The following KCTD1 variants were observed in gnomAD, a reference collection of about 807,000 sequenced individuals.
KCTD1 encodes the protein BTB/POZ domain-containing protein KCTD1.
A neutral mutation model predicts 66.0 loss-of-function variants in KCTD1; 24 were observed. The ratio of observed to expected loss-of-function variants is 0.36; its 90% confidence interval spans 0.26 to 0.51. The LOEUF (loss-of-function observed/expected upper bound fraction) is 0.51, where lower values mean the gene tolerates loss of function less well. Among genes scored for constraint, KCTD1 ranks in the 20% least tolerant of loss-of-function variants. KCTD1 has a pLI of 0.95. For missense variants in KCTD1, 943 were observed against 1,205.2 expected, an observed-to-expected ratio of 0.78 and a Z score of 3.22; for synonymous variants, 511 against 517.2, an observed-to-expected ratio of 0.99 and a Z score of 0.16.
intron 1 of KCTD1, among the ~76,000 whole-genome samples, chr18:26,609,941 G>A (rs946287894): frequency 1.3e-5 from 2 of 152,172 alleles, no homozygotes; most frequent in Admixed American, 6.5e-5. Flanking sequence ...TCTGCAAAAT[G>A]GGGATATTTG....
Position 26,468,766 on chromosome 18 carries a change from G to C in KCTD1, c.2133+7749C>G, listed in dbSNP as rs57942561. On this transcript the variant is annotated intron_variant, in intron 3 of 4. Coordinates refer to ENST00000580059, the MANE Select transcript of KCTD1 (RefSeq NM_001142730.3). This position sits in a 1 kb window ranked among gnomAD's most constrained non-coding sequence, Gnocchi z 4.8. ...GGAGGCTGAGGAAAGAGAACTGCTT[G>C]AACCCGGGAGGCGGAGGTTGCAGTG... Among the ~76,000 whole-genome samples, 19,259 of 152,158 alleles carry C rather than the reference G, an allele frequency of 0.13. 1,586 individuals carry two copies. Among genetic ancestry groups the C allele is most frequent in the Admixed American group, 0.25 (3,790 of 15,276 alleles).
chr18:26,571,145 TTCTC>T (rs34913706), intron 1 of KCTD1, among the ~76,000 whole-genome samples: 49,504 of 151,884 alleles, frequency 0.33, 9,170 homozygotes, highest in East Asian at 0.59. Context: ...AAAAAAGTCT[TTCTC>T]TCACTAATTA....
chr18:26,459,794 C>T lies in KCTD1; in HGVS notation c.2265G>A (p.Val755=), dbSNP rs1348448430. ...SRPCECLVVR[V]APDLGERITL... ...TGATCCTTTCTCCGAGGTCTGGGGC[C>T]ACACGCACGACGAGGCACTCACAGG... Residue 755 remains valine, a synonymous_variant, in exon 4 of 5, where the codon GTG becomes GTA. Transcript: ENST00000580059. 1 of 1,614,066 alleles carries T rather than the reference C, an allele frequency of 6.2e-7. No individual in the cohort carries two copies. The highest frequency in any genetic ancestry group is 8.5e-7 in the Non-Finnish European group (1 of 1,180,048).
chr18:26,646,202 T>G (rs766605162), intron 1 of KCTD1, among the ~76,000 whole-genome samples: 9 of 152,258 alleles, frequency 5.9e-5, no homozygotes, highest in Non-Finnish European at 1.3e-4. Flanking sequence ...GGATTTTTCA[T>G]GCTGTTACGT....
Position 26,623,167 on chromosome 18 carries a change from G to A in KCTD1, c.-16+5980C>T, listed in dbSNP as rs142792051. On this transcript the variant is annotated intron_variant, in intron 1 of 4. Coordinates refer to the KCTD1 transcript ENST00000317932. ...TGACTATCCCTCCTACCCACTACCC[G>A]CCCTTAACATTTCTTCTCACTAAGT... Among the ~76,000 whole-genome samples, 193 of 152,024 alleles carry A rather than the reference G, an allele frequency of 1.3e-3. 1 individual carries two copies. The highest frequency in any genetic ancestry group is 4.5e-3 in the African/African-American group (187 of 41,426).
chr18:26,495,399 G>A (rs938104176), intron 2 of KCTD1, among the ~76,000 whole-genome samples: 3 of 152,090 alleles, frequency 2.0e-5, no homozygotes, highest in Admixed American at 6.5e-5. Flanking sequence ...TAAGCAATCC[G>A]GTAATGGCTA....
At chr18:26,657,018 G>C (rs1483537764) in intron 1 of KCTD1, among the ~76,000 whole-genome samples, 2 of 150,408 alleles carry the variant, frequency 1.3e-5, no homozygotes, top group Non-Finnish European at 3.0e-5. Context: ...TCCTCTCCGA[G>C]ATCCGGAACC....
chr18:26,509,596 C>T (rs1360597936), intron 1 of KCTD1, among the ~76,000 whole-genome samples: 6 of 152,022 alleles, frequency 3.9e-5, no homozygotes, highest in East Asian at 3.9e-4. Context: ...AGTAGCTACT[C>T]GCTAAAATCA....
chr18:26,651,224 C>T (rs760089086), intron 1 of KCTD1, among the ~76,000 whole-genome samples: 1 of 152,200 alleles, frequency 6.6e-6, no homozygotes, highest in African/African-American at 2.4e-5. Flanking sequence ...AACAAGCAAG[C>T]CCTTTGCCAA....
chr18:26,517,658 CAAAAAAAAAAAA>C lies in KCTD1; in HGVS notation c.1810-16420_1810-16409del, dbSNP rs968619785. Among the ~76,000 whole-genome samples, 8 of 53,398 alleles carry C rather than the reference CAAAAAAAAAAAA, an allele frequency of 1.5e-4. No individual in the cohort carries two copies. The South Asian group carries it at 2.5e-3, about 17-fold the overall frequency. 35.0% of individuals were successfully genotyped at this position (53,398 alleles called of 152,430 possible). On this transcript the variant is annotated intron_variant, in intron 1 of 4. Transcript: ENST00000580059. ...GGCAACAAGAGCGAAACTCCGTCTC[CAAAAAAAAAAAA>C]AAAAAAAAAAAAAGGGTAGTTTCCC... is the stretch of plus-strand genomic sequence containing the variant.
chr18:26,593,336 A>AGAGGAGGACGAGGAG (rs1450558108), intron 1 of KCTD1, among the ~76,000 whole-genome samples: 1 of 115,318 alleles, frequency 8.7e-6, no homozygotes. Context: ...AGGAGGAGGA[A>AGAGGAGGACGAGGAG]GAGGAGGAAG....
chr18:26,622,958 T>C (rs1254795045), intron 1 of KCTD1, among the ~76,000 whole-genome samples: 4 of 152,220 alleles, frequency 2.6e-5, no homozygotes, highest in African/African-American at 9.6e-5. Flanking sequence ...TGGTCAGTCA[T>C]CTTTTATTTA....
At chr18:26,478,009 T>G (rs544906526) in intron 2 of KCTD1, among the ~76,000 whole-genome samples, 3 of 152,358 alleles carry the variant, frequency 2.0e-5, no homozygotes, top group African/African-American at 7.2e-5. Flanking sequence ...CATTCATTTC[T>G]CACTGACACA....
At chr18:26,652,992 T>C (rs1325345235) in intron 1 of KCTD1, among the ~76,000 whole-genome samples, 2 of 152,194 alleles carry the variant, frequency 1.3e-5, no homozygotes, top group Non-Finnish European at 1.5e-5. Flanking sequence ...CCCCTCTACA[T>C]AGATCTCAAA....
In KCTD1 at chr18:26,468,292, G is replaced by A. The variant is rs1470870091; in HGVS notation, c.2133+8223C>T. On this transcript the variant is annotated intron_variant, in intron 3 of 4. Transcript: ENST00000580059. This position sits in a 1 kb window ranked among gnomAD's most constrained non-coding sequence, Gnocchi z 4.8. ...AGAACAGATCTCAACAGCTTTCCAT[G>A]GAAGCCAGGACAGGAGCAACTGCCA... Among the ~76,000 whole-genome samples the A allele has an allele frequency of 6.6e-6, 1 of 152,210 alleles. No homozygotes were observed. The highest frequency in any genetic ancestry group is 1.5e-5 in the Non-Finnish European group (1 of 68,036).
intron 1 of KCTD1, among the ~76,000 whole-genome samples, chr18:26,569,133 G>C (rs759855504): frequency 6.6e-6 from 1 of 152,090 alleles, no homozygotes; most frequent in Non-Finnish European, 1.5e-5. Flanking sequence ...GCACTTTTAC[G>C]TGTATTAGCT....
At chr18:26,600,218 C>T (rs935173847) in intron 1 of KCTD1, 26 of 1,600,462 alleles carry the variant, frequency 1.6e-5, no homozygotes, top group Non-Finnish European at 2.1e-5. Flanking sequence ...CAGCCCAAGT[C>T]GGCTTGTGGA....
rs1250456130 is a variant in KCTD1 at position 26,548,314 on chromosome 18, C to T, written c.223G>A (p.Glu75Lys). Residue 75 changes from glutamate (E) to lysine (K), a missense_variant, in exon 1 of 5, where the codon GAG (glutamate) becomes AAG (lysine). By Grantham distance (56) the Glu-to-Lys change is moderately conservative. Transcript: ENST00000580059. ...EIQEVQITGD[E>K]EEEEDGGGGL... Reference sequence around the variant, plus strand: ...CCACCTCCGTCCTCCTCCTCCTCCTCGTCCCCCGTTATCTGCACCTCCTGG... The same window carrying T: ...CCACCTCCGTCCTCCTCCTCCTCCTTGTCCCCCGTTATCTGCACCTCCTGG... 7.3e-6 allele frequency: 11 copies of T among 1,501,814 alleles called. No homozygotes were observed. The Admixed American group carries it at 8.2e-5, about 11-fold the overall frequency. The allele number at this position is 1,501,814 out of a possible 1,614,324, so 93.0% of individuals were successfully genotyped here.
At chr18:26,611,953 C>T (rs1446901356) in intron 1 of KCTD1, among the ~76,000 whole-genome samples, 1 of 152,038 alleles carries the variant, frequency 6.6e-6, no homozygotes, top group Non-Finnish European at 1.5e-5. Flanking sequence ...AGCTAATTAC[C>T]CACCACTACT....
Sources: gnomAD v4.1 joint callset for allele counts (sites outside exome capture counted in the v4.1 genomes callset) on GRCh38, gnomAD v4.1.1 for gene constraint, Gnocchi (gnomAD v3.1) non-coding constraint, MANE v1.5 for transcripts, NCBI Gene and HGNC (gene_info 2026-07-23, HGNC 2026-07-21) for gene names.